The following CSMD2 variants were observed in gnomAD, a reference collection of about 807,000 sequenced individuals.
The protein encoded by CSMD2 is CUB and Sushi multiple domains 2, also known as CUB and sushi domain-containing protein 2.
In CSMD2, 130 loss-of-function variants were observed where a neutral mutation model predicts 398.5. The observed-to-expected ratio is 0.33, with a 90% CI of 0.28 to 0.38. The LOEUF (loss-of-function observed/expected upper bound fraction) is 0.38. CSMD2 is among the 10% of genes least tolerant of loss of function. The pLI is 1.00. For missense variants in CSMD2, 3,829 were observed against 4,764.9 expected, an observed-to-expected ratio of 0.80 and a Z score of 5.78; for synonymous variants, 1,828 against 1,908.5, an observed-to-expected ratio of 0.96 and a Z score of 1.10.
At chr1:33,531,180 A>G (rs1246532267) in intron 64 of CSMD2, among the ~76,000 whole-genome samples, 1 of 152,230 alleles carries the variant, frequency 6.6e-6, no homozygotes, top group Non-Finnish European at 1.5e-5. Context: ...TCCACAATGT[A>G]TACATATATC....
intron 5 of CSMD2, among the ~76,000 whole-genome samples, chr1:33,871,429 T>A (rs1244041764): frequency 6.6e-6 from 1 of 152,240 alleles, no homozygotes; most frequent in African/African-American, 2.4e-5. Context: ...TTTGTCCATT[T>A]TCTATTGCCT....
intron 53 of CSMD2, among the ~76,000 whole-genome samples, chr1:33,561,794 G>A (rs1210720965): frequency 7.9e-5 from 12 of 152,166 alleles, no homozygotes; most frequent in Non-Finnish European, 1.0e-4. Flanking sequence ...AAGGTGGTGG[G>A]AGAGCAGGGA....
chr1:33,983,435 A>T (rs1646240914), intron 3 of CSMD2, among the ~76,000 whole-genome samples: 8 of 152,176 alleles, frequency 5.3e-5, no homozygotes, highest in Admixed American at 4.6e-4. Flanking sequence ...ACTGACATCA[A>T]ATCCTTGGAG....
intron 1 of CSMD2, among the ~76,000 whole-genome samples, chr1:34,119,245 C>G (rs1366645162): frequency 6.6e-6 from 1 of 152,042 alleles, no homozygotes; most frequent in Non-Finnish European, 1.5e-5. Context: ...TGGACCCTTA[C>G]CATATACCAT....
chr1:33,756,486 G>A (rs1253217754), intron 13 of CSMD2, among the ~76,000 whole-genome samples: 1 of 152,238 alleles, frequency 6.6e-6, no homozygotes, highest in Non-Finnish European at 1.5e-5. Context: ...GGAATGGCCT[G>A]TCTGAGGAGG....
intron 1 of CSMD2, among the ~76,000 whole-genome samples, chr1:34,129,650 T>G (rs575520652): frequency 6.6e-6 from 1 of 152,162 alleles, no homozygotes; most frequent in East Asian, 1.9e-4. Context: ...AGACTCTGTC[T>G]CAAAAAAATA....
chr1:33,993,895 A>G (rs897923793), intron 3 of CSMD2, among the ~76,000 whole-genome samples: 1 of 152,092 alleles, frequency 6.6e-6, no homozygotes, highest in African/African-American at 2.4e-5. Context: ...TCTTCTTTGT[A>G]CGGCTCAAAG....
At chr1:34,017,710 T>C (rs1415660401) in intron 3 of CSMD2, among the ~76,000 whole-genome samples, 1 of 152,174 alleles carries the variant, frequency 6.6e-6, no homozygotes, top group Non-Finnish European at 1.5e-5. Flanking sequence ...GATCACACTA[T>C]AGCACTCCAG....
intron 18 of CSMD2, 33 bp downstream of exon 18, chr1:33,724,483 G>T: frequency 6.2e-7 from 1 of 1,600,474 alleles, no homozygotes; most frequent in Non-Finnish European, 8.5e-7. Context: ...AGAGGAGTCT[G>T]CTACTTTAGC....
At chr1:34,126,819 C>G (rs1207105876) in intron 1 of CSMD2, among the ~76,000 whole-genome samples, 1 of 149,970 alleles carries the variant, frequency 6.7e-6, no homozygotes, top group African/African-American at 2.5e-5. Flanking sequence ...GAGAGAGAGA[C>G]ATAGATGGGG....
chr1:33,531,773 C>T (rs981088746), intron 64 of CSMD2, among the ~76,000 whole-genome samples: 1 of 152,072 alleles, frequency 6.6e-6, no homozygotes, highest in Non-Finnish European at 1.5e-5. Flanking sequence ...GGCAAATTTA[C>T]AGAAGCAGGA....
chr1:34,023,602 C>T (rs1441134331), intron 3 of CSMD2, among the ~76,000 whole-genome samples: 1 of 152,088 alleles, frequency 6.6e-6, no homozygotes, highest in East Asian at 1.9e-4. Flanking sequence ...CAAGATTTGA[C>T]CAAAGGTTTT....
chr1:33,684,040 G>A (rs1369721978), intron 25 of CSMD2, among the ~76,000 whole-genome samples: 1 of 152,228 alleles, frequency 6.6e-6, no homozygotes, highest in Non-Finnish European at 1.5e-5. Context: ...CTCTGGGCCA[G>A]CTGCCCACTT....
intron 4 of CSMD2, among the ~76,000 whole-genome samples, chr1:33,934,656 A>C (rs1312828710): frequency 1.3e-5 from 2 of 152,182 alleles, no homozygotes; most frequent in African/African-American, 4.8e-5. Flanking sequence ...TAAAACAGGT[A>C]AATTTTCTTT....
At chr1:33,799,365 T>C (rs201504515) in intron 10 of CSMD2, among the ~76,000 whole-genome samples, 5 of 152,310 alleles carry the variant, frequency 3.3e-5, no homozygotes, top group East Asian at 1.9e-4. Flanking sequence ...CAGGGTTCCA[T>C]AAAGGTACTC....
intron 26 of CSMD2, among the ~76,000 whole-genome samples, chr1:33,658,733 A>G (rs1279023321): frequency 2.0e-5 from 3 of 152,158 alleles, no homozygotes. Context: ...GTGTGGTGAT[A>G]GTTGCCTGTT....
chr1:33,848,252 G>C (rs1212789270), intron 5 of CSMD2, among the ~76,000 whole-genome samples: 1 of 152,198 alleles, frequency 6.6e-6, no homozygotes, highest in Non-Finnish European at 1.5e-5. Flanking sequence ...CTGGAGCAGA[G>C]AGAAAATAGT....
chr1:33,549,730 C>T (rs185585356), intron 56 of CSMD2, among the ~76,000 whole-genome samples: 175 of 152,182 alleles, frequency 1.1e-3, no homozygotes, highest in African/African-American at 4.0e-3. Context: ...CTGGGGCCTA[C>T]GAGTCTGAAA....
intron 5 of CSMD2, among the ~76,000 whole-genome samples, chr1:33,907,370 G>A (rs190950250): frequency 2.0e-5 from 3 of 151,396 alleles, no homozygotes; most frequent in East Asian, 2.0e-4. Flanking sequence ...CTCGTGATCC[G>A]CCCACCTCGG....
Sources: gnomAD v4.1 joint callset for allele counts (sites outside exome capture counted in the v4.1 genomes callset) on GRCh38, gnomAD v4.1.1 for gene constraint, MANE v1.5 for transcripts, NCBI Gene and HGNC (gene_info 2026-07-23, HGNC 2026-07-21) for gene names.